Variants in SIPA1L1 observed in about 807,000 individuals in gnomAD.
SIPA1L1 encodes signal-induced proliferation-associated 1-like protein 1.
In SIPA1L1, 26 loss-of-function variants were observed where a neutral mutation model predicts 162.7. The ratio of observed to expected loss-of-function variants is 0.16; its 90% CI spans 0.12 to 0.22. The LOEUF is 0.22. Ranked by LOEUF, SIPA1L1 falls within the 10% of genes least tolerant of loss-of-function variation. SIPA1L1 has a pLI of 1.00. For missense variants in SIPA1L1, 1,874 were observed against 2,241.0 expected (o/e 0.84, Z 3.31); for synonymous variants, 829 against 837.4 (o/e 0.99, Z 0.17).
intron 2 of SIPA1L1, among the ~76,000 whole-genome samples, chr14:71,442,552 CT>C (rs796500022): frequency 3.7e-4 from 57 of 152,132 alleles, no homozygotes; most frequent in Middle Eastern, 6.8e-3. Flanking sequence ...TTGTGTTGTA[CT>C]TTTTTTCTTT....
At position 71,360,542 on chromosome 14, in the gene SIPA1L1, C is replaced by T. The variant is rs1039355706; in HGVS notation, c.-465+39361C>T. ...TTGGAGATAACCCAGGGAGCAATTA[C>T]GAACTTGTTTTGAGGTCTGCATTTT... On this transcript the variant is annotated intron_variant, in intron 2 of 23. Coordinates refer to ENST00000381232, the MANE Select transcript of SIPA1L1 (RefSeq NM_001386936.1). Among the ~76,000 whole-genome samples, 4 of 152,160 alleles carry T rather than the reference C, an allele frequency of 2.6e-5. No individual in the cohort carries two copies. In the East Asian group the frequency reaches 5.8e-4, roughly 22 times the overall value.
intron 4 of SIPA1L1, among the ~76,000 whole-genome samples, chr14:71,533,066 T>C (rs1183087958): frequency 6.6e-6 from 1 of 152,220 alleles, no homozygotes; most frequent in Admixed American, 6.5e-5. Context: ...AATGGAAATA[T>C]GATACTCCTC....
At chr14:71,697,443 C>T (rs758631243) in intron 13 of SIPA1L1, among the ~76,000 whole-genome samples, 2 of 152,146 alleles carry the variant, frequency 1.3e-5, no homozygotes, top group Non-Finnish European at 2.9e-5. Context: ...AGACACATGA[C>T]TTGCAGTCAC....
chr14:71,362,677 A>C (rs527599861), intron 2 of SIPA1L1, among the ~76,000 whole-genome samples: 2 of 152,334 alleles, frequency 1.3e-5, no homozygotes, highest in African/African-American at 4.8e-5. Context: ...CATGTATTTC[A>C]GATGAATTAT....
intron 19 of SIPA1L1, among the ~76,000 whole-genome samples, chr14:71,728,064 G>A (rs2084405951): frequency 6.6e-6 from 1 of 152,162 alleles, no homozygotes; most frequent in African/African-American, 2.4e-5. Context: ...TTTCACACCT[G>A]TAAAACCATC....
At chr14:71,670,982 G>A (rs2044460248) in intron 10 of SIPA1L1, 137 bp from the exon 11 acceptor site, 3 of 707,988 alleles carry the variant, frequency 4.2e-6, no homozygotes, top group Admixed American at 2.5e-5. Flanking sequence ...AAGCAGAAAT[G>A]TGTGTTGTTT....
chr14:71,405,293 A>G (rs1446374026), intron 2 of SIPA1L1, among the ~76,000 whole-genome samples: 1 of 152,256 alleles, frequency 6.6e-6, no homozygotes, highest in Admixed American at 6.5e-5. Flanking sequence ...GAGGCAGGAA[A>G]GAACTTGGCT....
chr14:71,681,981 TA>T (rs2045852011), intron 12 of SIPA1L1, among the ~76,000 whole-genome samples: 1 of 152,228 alleles, frequency 6.6e-6, no homozygotes, highest in East Asian at 1.9e-4. Flanking sequence ...TTGGGTTTTA[TA>T]AAAGTTGTTG....
At chr14:71,507,991 C>T (rs1166079432) in intron 2 of SIPA1L1, among the ~76,000 whole-genome samples, 1 of 152,110 alleles carries the variant, frequency 6.6e-6, no homozygotes, top group Non-Finnish European at 1.5e-5. Flanking sequence ...AAAAAGAGGG[C>T]AAGTGGGACG....
At chr14:71,432,991 C>A in intron 2 of SIPA1L1, among the ~76,000 whole-genome samples, 1 of 152,090 alleles carries the variant, frequency 6.6e-6, no homozygotes, top group East Asian at 1.9e-4. Flanking sequence ...ATTATAAGAT[C>A]TTTTGCTTAG....
At chr14:71,631,935 G>A (rs2040614513) in intron 7 of SIPA1L1, among the ~76,000 whole-genome samples, 1 of 152,138 alleles carries the variant, frequency 6.6e-6, no homozygotes. Context: ...ACAAATCAAA[G>A]CAAATAATGT....
chr14:71,699,032 A>G lies in SIPA1L1; in HGVS notation c.3426A>G (p.Ala1142=). 1 of 1,614,206 alleles carries G rather than the reference A, an allele frequency of 6.2e-7. No homozygotes were observed. The highest frequency in any genetic ancestry group is 8.5e-7 in the Non-Finnish European group (1 of 1,180,026). Reference sequence around the variant, plus strand: ...TGACGGTCTCATCCATGGCTTTAGCAAGATCCCAGTGTCGGAACTCTCCTA... The same window carrying G: ...TGACGGTCTCATCCATGGCTTTAGCGAGATCCCAGTGTCGGAACTCTCCTA... ...IYVTVSSMAL[A]RSQCRNSPSN... The change falls in exon 14 of 24, where the codon GCA becomes GCG. Residue 1142 remains alanine, a synonymous_variant. Transcript: ENST00000381232.
At chr14:71,429,224 C>A (rs1222020593) in intron 2 of SIPA1L1, among the ~76,000 whole-genome samples, 4 of 152,000 alleles carry the variant, frequency 2.6e-5, no homozygotes, top group African/African-American at 9.7e-5. Flanking sequence ...ATAAATTAGT[C>A]CATTTATAAG....
At chr14:71,552,553 G>A (rs965687152) in intron 4 of SIPA1L1, among the ~76,000 whole-genome samples, 2 of 151,820 alleles carry the variant, frequency 1.3e-5, no homozygotes, top group African/African-American at 2.4e-5. Context: ...CACCACGCCC[G>A]GCTAATTTTT....
chr14:71,406,071 G>A (rs2042009621), intron 2 of SIPA1L1, among the ~76,000 whole-genome samples: 1 of 152,336 alleles, frequency 6.6e-6, no homozygotes, highest in East Asian at 1.9e-4. Context: ...TGTGAAGACA[G>A]TGGAGATGGA....
At chr14:71,689,519 C>T (rs1468590240) in intron 13 of SIPA1L1, among the ~76,000 whole-genome samples, 3 of 152,200 alleles carry the variant, frequency 2.0e-5, no homozygotes. Flanking sequence ...TGATACATTA[C>T]TGTGTTTAAA....
intron 13 of SIPA1L1, among the ~76,000 whole-genome samples, chr14:71,696,134 C>A (rs2081608357): frequency 6.6e-6 from 1 of 152,188 alleles, no homozygotes; most frequent in South Asian, 2.1e-4. Flanking sequence ...ACCTGCCCCA[C>A]GCATACACTA....
chr14:71,732,817 C>T (rs1393102872), intron 20 of SIPA1L1, among the ~76,000 whole-genome samples: 1 of 152,172 alleles, frequency 6.6e-6, no homozygotes, highest in East Asian at 1.9e-4. Flanking sequence ...CCTCACACCC[C>T]CTTGGACACC....
In SIPA1L1 at chr14:71,364,909, C is replaced by T. The variant is rs185288449; in HGVS notation, c.-465+43728C>T. ...TACAGGCGCATGCCACCACACCCAG[C>T]TAATTTTTGTATTTTTAGTAGAGGA... On this transcript the variant is annotated intron_variant, in intron 2 of 23. Coordinates refer to ENST00000381232, the MANE Select transcript of SIPA1L1 (RefSeq NM_001386936.1). Among the ~76,000 whole-genome samples the T allele has an allele frequency of 2.6e-5, 4 of 152,100 alleles. No individual in the cohort carries two copies. The East Asian group carries it at 5.8e-4, about 22-fold the overall frequency.
Sources: allele counts gnomAD v4.1 joint callset (sites outside exome capture counted in the v4.1 genomes callset), GRCh38; gene constraint gnomAD v4.1.1; transcripts MANE v1.5; gene names NCBI Gene and HGNC (gene_info 2026-07-23, HGNC 2026-07-21).